The following SHISA9 variants were observed in gnomAD, a reference collection of about 807,000 sequenced individuals.
The protein encoded by SHISA9 is protein shisa-9.
Under a neutral mutation model 38.0 loss-of-function variants are expected in SHISA9, and 13 were observed. The ratio of observed to expected loss-of-function variants is 0.34; its 90% CI spans 0.22 to 0.54. The LOEUF (loss-of-function observed/expected upper bound fraction) is 0.54. SHISA9 is among the 20% of genes least tolerant of loss of function. SHISA9 has a pLI of 0.91. For missense variants in SHISA9, 538 were observed against 575.8 expected (o/e 0.93, Z 0.67); for synonymous variants, 275 against 242.0 (o/e 1.14, Z -1.27).
At chr16:13,407,892 GA>G in the SHISA9 span, among the ~76,000 whole-genome samples, 25 of 152,308 alleles carry the variant, frequency 1.6e-4, no homozygotes, top group Non-Finnish European at 3.5e-4. Context: ...TTACAACCAT[GA>G]GGAGAAAGCA....
At chr16:13,090,795 G>A (rs141123492) in intron 2 of SHISA9, among the ~76,000 whole-genome samples, 3,156 of 152,220 alleles carry the variant, frequency 0.021, 49 homozygotes, top group Admixed American at 0.047. Context: ...GCCCATTTAC[G>A]TTTAAGGTTA....
At chr16:13,276,618 G>A in the SHISA9 span, among the ~76,000 whole-genome samples, 2 of 152,072 alleles carry the variant, frequency 1.3e-5, no homozygotes, top group African/African-American at 2.4e-5. Context: ...TCTTGCAGGA[G>A]TAAGGTTGTA....
the SHISA9 span, among the ~76,000 whole-genome samples, chr16:13,300,168 C>A: frequency 1.3e-5 from 2 of 152,140 alleles, no homozygotes; most frequent in African/African-American, 2.4e-5. Context: ...AAGTAGCAGG[C>A]TCTCGCTCAC....
chr16:13,094,782 A>C (rs2073809600), intron 2 of SHISA9, among the ~76,000 whole-genome samples: 1 of 152,190 alleles, frequency 6.6e-6, no homozygotes, highest in South Asian at 2.1e-4. Context: ...ATGGTTAAGC[A>C]GACCTGGGGT....
chr16:13,289,418 G>A, the SHISA9 span, among the ~76,000 whole-genome samples: 1 of 152,032 alleles, frequency 6.6e-6, no homozygotes, highest in Non-Finnish European at 1.5e-5. Flanking sequence ...AAAGTTGATT[G>A]CTTGTTCTTT....
chr16:13,374,670 G>C, the SHISA9 span, among the ~76,000 whole-genome samples: 1 of 151,968 alleles, frequency 6.6e-6, no homozygotes, highest in South Asian at 2.1e-4. Context: ...TAGTTCTTTG[G>C]GTATATGCCT....
intron 2 of SHISA9, among the ~76,000 whole-genome samples, chr16:13,198,918 C>T (rs1439469180): frequency 2.0e-5 from 3 of 152,146 alleles, no homozygotes; most frequent in African/African-American, 7.2e-5. Flanking sequence ...ATGGTTGTGT[C>T]TACTTATATT....
chr16:13,119,190 AT>A (rs2074061750), intron 2 of SHISA9, among the ~76,000 whole-genome samples: 1 of 152,124 alleles, frequency 6.6e-6, no homozygotes, highest in Admixed American at 6.5e-5. Context: ...TTCTTATCTC[AT>A]TTAAGCTTCT....
At chr16:13,348,547 C>T in the SHISA9 span, among the ~76,000 whole-genome samples, 1 of 151,740 alleles carries the variant, frequency 6.6e-6, no homozygotes, top group Admixed American at 6.6e-5. Flanking sequence ...GAGCTGATGC[C>T]TGGTGCCTGA....
At chr16:13,077,492 T>C (rs76230637) in intron 2 of SHISA9, among the ~76,000 whole-genome samples, 3,350 of 152,228 alleles carry the variant, frequency 0.022, 52 homozygotes, top group Admixed American at 0.048. Flanking sequence ...GGAATGGCCA[T>C]GAAGTGGGGC....
At chr16:13,344,901 G>A in the SHISA9 span, among the ~76,000 whole-genome samples, 2 of 152,242 alleles carry the variant, frequency 1.3e-5, no homozygotes, top group African/African-American at 4.8e-5. Context: ...CTCTTAGCAG[G>A]AAAGAGCTAA....
intron 2 of SHISA9, among the ~76,000 whole-genome samples, chr16:13,095,076 CA>C (rs2073812171): frequency 6.6e-6 from 1 of 152,152 alleles, no homozygotes; most frequent in African/African-American, 2.4e-5. Flanking sequence ...AATGGTCTGT[CA>C]AATGGTTTAC....
At chr16:13,181,267 TTATA>T (rs1156705123) in intron 2 of SHISA9, among the ~76,000 whole-genome samples, 1,292 of 79,362 alleles carry the variant, frequency 0.016, 15 homozygotes, top group South Asian at 0.03. Context: ...AAATAAAATT[TTATA>T]TATATATATA....
intron 2 of SHISA9, among the ~76,000 whole-genome samples, chr16:13,196,476 A>C (rs1321554316): frequency 6.6e-6 from 1 of 152,158 alleles, no homozygotes; most frequent in African/African-American, 2.4e-5. Flanking sequence ...TGTCAAAGTC[A>C]TCAAAACAGG....
At chr16:13,413,622 G>A in the SHISA9 span, among the ~76,000 whole-genome samples, 1 of 151,918 alleles carries the variant, frequency 6.6e-6, no homozygotes, top group Non-Finnish European at 1.5e-5. Flanking sequence ...CGGGCGTGGT[G>A]GTGGGTGCCT....
chr16:13,427,341 G>C, the SHISA9 span, among the ~76,000 whole-genome samples: 1 of 152,230 alleles, frequency 6.6e-6, no homozygotes, highest in South Asian at 2.1e-4. Context: ...TAGATGAATG[G>C]TTGAGGCAAG....
At chr16:13,082,782 G>C (rs1288852473) in intron 2 of SHISA9, among the ~76,000 whole-genome samples, 1 of 152,122 alleles carries the variant, frequency 6.6e-6, no homozygotes, top group Non-Finnish European at 1.5e-5. Context: ...GTGTGGGTGG[G>C]GGGCTGAAGT....
intron 2 of SHISA9, among the ~76,000 whole-genome samples, chr16:13,145,110 T>C (rs185381907): frequency 2.4e-4 from 37 of 152,322 alleles, no homozygotes; most frequent in Admixed American, 2.0e-3. Context: ...TTGCAGACCC[T>C]ATCGCAGGGA....
chr16:13,465,787 C>T, the SHISA9 span, among the ~76,000 whole-genome samples: 5 of 152,226 alleles, frequency 3.3e-5, no homozygotes, highest in Non-Finnish European at 5.9e-5. Flanking sequence ...GCTGCTGCAA[C>T]GATTTAGTGT....
Sources: allele counts gnomAD v4.1 joint callset (sites outside exome capture counted in the v4.1 genomes callset), GRCh38; gene constraint gnomAD v4.1.1; transcripts MANE v1.5; gene names NCBI Gene and HGNC (gene_info 2026-07-23, HGNC 2026-07-21).